The following LRRC18 variants were observed in gnomAD, a reference collection of about 807,000 sequenced individuals.
LRRC18 encodes the protein leucine rich repeat containing 18.
Under a neutral mutation model 11.2 loss-of-function variants are expected in LRRC18, and 12 were observed. The observed-to-expected ratio is 1.07, with a 90% CI of 0.69 to 1.74. The LOEUF (loss-of-function observed/expected upper bound fraction) is 1.74. LRRC18 is among the 40% of genes most tolerant of loss of function. The pLI is 0.00. For synonymous variants in LRRC18, 155 were observed against 130.6 expected, an observed-to-expected ratio of 1.19 and a Z score of -1.27; for missense variants, 374 against 330.5, an observed-to-expected ratio of 1.13 and a Z score of -1.02.
At chr10:48,911,745 T>C (rs1039443539) in intron 1 of LRRC18, among the ~76,000 whole-genome samples, 1 of 152,338 alleles carries the variant, frequency 6.6e-6, no homozygotes. Context: ...TGATGAATGC[T>C]TTAAGCTACT....
At chr10:48,911,729 G>C (rs184637287) in intron 1 of LRRC18, among the ~76,000 whole-genome samples, 10 of 152,310 alleles carry the variant, frequency 6.6e-5, no homozygotes, top group African/African-American at 2.4e-4. Flanking sequence ...CTGACATACT[G>C]TAGAATGATG....
chr10:48,939,808 T>C, the LRRC18 span, among the ~76,000 whole-genome samples: 1 of 152,186 alleles, frequency 6.6e-6, no homozygotes. Flanking sequence ...CCAGAAATAA[T>C]GGAACTTCCT....
the LRRC18 span, chr10:48,935,353 G>C: frequency 6.6e-6 from 1 of 152,242 alleles, no homozygotes; most frequent in Non-Finnish European, 1.5e-5. Flanking sequence ...TGCCTGCCAC[G>C]AGGAGGGAAC....
At chr10:48,917,916 T>C (rs1838698783), upstream of LRRC18, among the ~76,000 whole-genome samples, 1 of 152,218 alleles carries the variant, frequency 6.6e-6, no homozygotes, top group Admixed American at 6.5e-5. Context: ...GTTGTCAAAG[T>C]ATGTAGATGT....
At chr10:48,910,283 G>A (rs1837881867) in intron 1 of LRRC18, 25 bp from the exon 4 acceptor site, 2 of 1,611,640 alleles carry the variant, frequency 1.2e-6, no homozygotes, top group Admixed American at 1.7e-5. Context: ...ACAAGAAGGT[G>A]AGGCAATTGC....
chr10:48,913,236 T>C (rs1564476312), intron 1 of LRRC18, among the ~76,000 whole-genome samples, 156 bp downstream of exon 3: 1 of 152,090 alleles, frequency 6.6e-6, no homozygotes, highest in East Asian at 1.9e-4. Context: ...ATCAACACAA[T>C]CACACGCCGA....
At chr10:48,912,524 CAG>C in intron 1 of LRRC18, among the ~76,000 whole-genome samples, 2 of 152,336 alleles carry the variant, frequency 1.3e-5, no homozygotes, top group South Asian at 4.1e-4. Context: ...ATGCCTCAGA[CAG>C]TGGTGCTCTG....
At chr10:48,931,105 ACACAC>A in the LRRC18 span, among the ~76,000 whole-genome samples, 1 of 3,976 alleles carries the variant, frequency 2.5e-4, no homozygotes, top group African/African-American at 2.7e-4. Flanking sequence ...AAACACACAC[ACACAC>A]ACACACACAC....
Position 48,914,202 on chromosome 10 carries a change from A to G in LRRC18, c.-47T>C, listed in dbSNP as rs199527544. On this transcript the variant is annotated 5_prime_UTR_variant, in exon 1 of 2. Transcript: ENST00000374160. ...TAGAAGTTTATTGTTCTGATTGGAT[A>G]GTGATCAGTGTGAGGAAAAATCATG... 1.3e-5 allele frequency: 20 copies of G among 1,562,922 alleles called. No homozygotes were observed. In the East Asian group the frequency reaches 4.1e-4, roughly 32 times the overall value.
At chr10:48,938,908 C>G in the LRRC18 span, among the ~76,000 whole-genome samples, 1 of 152,144 alleles carries the variant, frequency 6.6e-6, no homozygotes, top group Non-Finnish European at 1.5e-5. Context: ...GTGATGTCCC[C>G]TGTATGTCCG....
chr10:48,916,449 G>T (rs1431138235), upstream of LRRC18, among the ~76,000 whole-genome samples: 1 of 152,162 alleles, frequency 6.6e-6, no homozygotes, highest in Non-Finnish European at 1.5e-5. Context: ...AGTCATCCAG[G>T]CAGGCATCTA....
upstream of LRRC18, among the ~76,000 whole-genome samples, chr10:48,914,426 G>A (rs1564479750): frequency 6.6e-6 from 1 of 152,134 alleles, no homozygotes; most frequent in South Asian, 2.1e-4. Context: ...TGATTTTCTT[G>A]GATGTTAAAA....
the LRRC18 span, among the ~76,000 whole-genome samples, chr10:48,928,404 G>A: frequency 1.3e-5 from 2 of 149,212 alleles, no homozygotes; most frequent in African/African-American, 4.9e-5. Flanking sequence ...GTGTTGGTGG[G>A]GGTTGGCACA....
upstream of LRRC18, among the ~76,000 whole-genome samples, chr10:48,917,469 A>G (rs1838656136): frequency 6.6e-6 from 1 of 152,226 alleles, no homozygotes; most frequent in Admixed American, 6.5e-5. Flanking sequence ...AACTGCTCCA[A>G]ATTAAAGAAA....
At chr10:48,932,453 G>C in the LRRC18 span, 1 of 152,110 alleles carries the variant, frequency 6.6e-6, no homozygotes, top group Non-Finnish European at 1.5e-5. Context: ...TGTAATAATA[G>C]CTACTTACAG....
chr10:48,932,366 A>G, the LRRC18 span: 1 of 152,216 alleles, frequency 6.6e-6, no homozygotes, highest in Non-Finnish European at 1.5e-5. Flanking sequence ...CTGATTCCCA[A>G]ATACAAAGTC....
chr10:48,916,312 C>T (rs563453091), upstream of LRRC18, among the ~76,000 whole-genome samples: 3 of 152,302 alleles, frequency 2.0e-5, no homozygotes, highest in East Asian at 5.8e-4. Context: ...GTCCAAGGAA[C>T]AGGAAATGGA....
chr10:48,916,533 C>G (rs1589879571), upstream of LRRC18, among the ~76,000 whole-genome samples: 1 of 152,184 alleles, frequency 6.6e-6, no homozygotes, highest in East Asian at 1.9e-4. Flanking sequence ...TTTGTTTTCT[C>G]TACCCTACTG....
At chr10:48,938,387 C>A in the LRRC18 span, among the ~76,000 whole-genome samples, 1 of 152,254 alleles carries the variant, frequency 6.6e-6, no homozygotes, top group South Asian at 2.1e-4. Context: ...TGAGAGGGTG[C>A]AGCCTTTAGC....
Sources: gnomAD v4.1 joint callset for allele counts (sites outside exome capture counted in the v4.1 genomes callset) on GRCh38, gnomAD v4.1.1 for gene constraint, MANE v1.5 for transcripts, NCBI Gene and HGNC (gene_info 2026-07-23, HGNC 2026-07-21) for gene names.